RYR2: variants seen among roughly 807,000 people sequenced by gnomAD.
The protein encoded by RYR2 is cardiac muscle ryanodine receptor-calcium release channel.
In RYR2, 227 loss-of-function variants were observed where a neutral mutation model predicts 601.1. That is an observed-to-expected ratio of 0.38 (90% CI 0.34 to 0.42). RYR2 has a LOEUF of 0.42. Among genes scored for constraint, RYR2 ranks in the 10% least tolerant of loss-of-function variants. RYR2 has a pLI of 1.00. For synonymous variants in RYR2, 2,223 were observed against 2,175.1 expected, an observed-to-expected ratio of 1.02 and a Z score of -0.61; for missense variants, 4,646 against 6,156.5, an observed-to-expected ratio of 0.75 and a Z score of 8.21.
intron 2 of RYR2, among the ~76,000 whole-genome samples, chr1:237,282,237 T>A (rs1467161094): frequency 6.6e-6 from 1 of 151,820 alleles, no homozygotes; most frequent in Non-Finnish European, 1.5e-5. Flanking sequence ...TTTAGTTTTG[T>A]GGGTCAGATG....
At chr1:237,643,551 ATTATGTGT>A (rs1681797870) in intron 48 of RYR2, 104 bp downstream of exon 48, 1 of 1,244,174 alleles carries the variant, frequency 8.0e-7, no homozygotes, top group Admixed American at 1.8e-5. Flanking sequence ...CACTTCCTAA[ATTATGTGT>A]ATACTACTTA....
chr1:237,787,597 C>CAAAAAAAAAAAAAA (rs778668137), intron 91 of RYR2, among the ~76,000 whole-genome samples: 1 of 60,394 alleles, frequency 1.7e-5, no homozygotes, highest in Non-Finnish European at 3.8e-5. Flanking sequence ...GTCTCAAAAA[C>CAAAAAAAAAAAAAA]AAAAAAAAAA....
At chr1:237,111,502 C>T (rs972073193) in intron 1 of RYR2, among the ~76,000 whole-genome samples, 4 of 149,936 alleles carry the variant, frequency 2.7e-5, no homozygotes, top group Admixed American at 6.7e-5. Context: ...GGAGGAGAAT[C>T]GCTTGAACCT....
chr1:237,055,492 G>A lies in RYR2; in HGVS notation c.48+12923G>A, dbSNP rs927386996. Among the ~76,000 whole-genome samples, 39 of 152,216 alleles carry A rather than the reference G, an allele frequency of 2.6e-4. 1 individual carries two copies. Among genetic ancestry groups the A allele is most frequent in the Middle Eastern group, 6.8e-3 (2 of 294 alleles). ...AGATAATTCGGGCCTAAATTTGGGT[G>A]GTAGTTGTGGGAATAGAAAGGAGCG... On this transcript the variant is annotated intron_variant, in intron 1 of 104. Transcript: ENST00000366574.
intron 29 of RYR2, among the ~76,000 whole-genome samples, chr1:237,580,549 G>A (rs1270983356): frequency 1.3e-5 from 2 of 152,044 alleles, no homozygotes; most frequent in Non-Finnish European, 2.9e-5. Flanking sequence ...TTCTTCTAAT[G>A]AGGGATGATT....
chr1:237,647,715 G>A (rs887628585), intron 48 of RYR2, among the ~76,000 whole-genome samples: 8 of 152,178 alleles, frequency 5.3e-5, no homozygotes, highest in Admixed American at 1.3e-4. Context: ...TGTGTGGTCA[G>A]CACCAGTTTG....
At chr1:237,722,909 T>G (rs1689869331) in intron 73 of RYR2, among the ~76,000 whole-genome samples, 1 of 152,092 alleles carries the variant, frequency 6.6e-6, no homozygotes. Context: ...TCAGCAAATT[T>G]CCAGTATGAA....
Position 237,406,604 on chromosome 1 carries a change from G to GA in RYR2, c.774-10439dup, listed in dbSNP as rs969230685. On this transcript the variant is annotated intron_variant, in intron 10 of 104. Coordinates refer to ENST00000366574, the MANE Select transcript of RYR2 (RefSeq NM_001035.3). ...CTGGTGTTATTTTGTATATTCTGGAGAAAAAATGCCCTAAAAACTACCTCC... is the reference window on the plus strand; with the variant it reads ...CTGGTGTTATTTTGTATATTCTGGAGAAAAAAATGCCCTAAAAACTACCTCC... Among the ~76,000 whole-genome samples, 8 of 151,838 alleles carry GA rather than the reference G, an allele frequency of 5.3e-5. No individual in the cohort carries two copies. The East Asian group carries it at 5.8e-4, about 11-fold the overall frequency.
At chr1:237,805,407 C>T (rs911390912) in intron 98 of RYR2, among the ~76,000 whole-genome samples, 7 of 151,712 alleles carry the variant, frequency 4.6e-5, no homozygotes, top group African/African-American at 1.7e-4. Context: ...AGTGAAACCC[C>T]GTCTCTACTA....
intron 1 of RYR2, among the ~76,000 whole-genome samples, chr1:237,262,159 T>C (rs143175191): frequency 2.8e-4 from 43 of 151,826 alleles, no homozygotes; most frequent in African/African-American, 9.4e-4. Context: ...AGAAATCATG[T>C]CTTATTTACT....
chr1:237,483,057 C>T (rs16835305), intron 17 of RYR2, among the ~76,000 whole-genome samples: 5,986 of 152,204 alleles, frequency 0.039, 186 homozygotes, highest in African/African-American at 0.079. Context: ...CTGTGTCTCT[C>T]GCCAAGGTCT....
At position 237,186,402 on chromosome 1, in the gene RYR2, G is replaced by A. The variant is rs113656977; in HGVS notation, c.49-84095G>A. 5.5e-3 allele frequency among the ~76,000 whole-genome samples: 835 copies of A among 152,220 alleles called. 8 individuals carry two copies. The highest frequency in any genetic ancestry group is 0.019 in the African/African-American group (782 of 41,548). Reference sequence around the variant, plus strand: ...GCCTTAGTACAATAATGAGAAATCCGCATTCCACTGTCAGTCTAATGCAGG... The same window carrying A: ...GCCTTAGTACAATAATGAGAAATCCACATTCCACTGTCAGTCTAATGCAGG... On this transcript the variant is annotated intron_variant, in intron 1 of 104. Coordinates refer to ENST00000366574, the MANE Select transcript of RYR2 (RefSeq NM_001035.3).
chr1:237,612,666 G>A (rs930894675), intron 36 of RYR2, among the ~76,000 whole-genome samples: 10 of 151,788 alleles, frequency 6.6e-5, no homozygotes, highest in South Asian at 4.1e-4. Flanking sequence ...AGAAAATACC[G>A]AACAACCAAA....
Position 237,454,513 on chromosome 1 carries a change from A to G in RYR2, c.1415A>G (p.His472Arg). Reference protein sequence around the residue: ...YFHPPDEHLEHEDKQNRLRAL... With the variant: ...YFHPPDEHLEREDKQNRLRAL... ...CACCCCCCAGATGAGCATTTAGAGC[A>G]TGAAGACAAACAGAACAGACTACGA... Residue 472 changes from histidine (H) to arginine (R), a missense_variant, in exon 15 of 105, where the codon CAT becomes CGT. Around this residue, in one of 17 missense-constraint regions of RYR2, gnomAD observed 1,807 missense variants for 2,088.1 expected, o/e 0.87. Coordinates refer to ENST00000366574, the MANE Select transcript of RYR2 (RefSeq NM_001035.3). 1 of 1,613,580 alleles carries G rather than the reference A, an allele frequency of 6.2e-7. No individual in the cohort carries two copies. Among genetic ancestry groups the G allele is most frequent in the Non-Finnish European group, 8.5e-7 (1 of 1,179,660 alleles).
rs1690789610 is a variant in RYR2 at position 237,732,621 on chromosome 1, GC to G, written c.11039+473del. Among the ~76,000 whole-genome samples, 7 of 152,086 alleles carry G rather than the reference GC, an allele frequency of 4.6e-5. No homozygotes were observed. The South Asian group carries it at 1.4e-3, about 31-fold the overall frequency. ...GGTATCTCTGAGATCTATTTCAAGG[GC>G]ATTGCCCATTTTTCTTGTCTTCTGC... is the stretch of plus-strand genomic sequence containing the variant. On this transcript the variant is annotated intron_variant, in intron 78 of 104. Coordinates refer to ENST00000366574, the MANE Select transcript of RYR2 (RefSeq NM_001035.3).
intron 1 of RYR2, among the ~76,000 whole-genome samples, chr1:237,189,879 A>AT (rs61306892): frequency 1.6e-3 from 175 of 107,784 alleles, no homozygotes; most frequent in Middle Eastern, 4.2e-3. Flanking sequence ...TTTTATTTTT[A>AT]TTTTTTTTTT....
At chr1:237,783,177 A>G (rs16835809) in intron 89 of RYR2, among the ~76,000 whole-genome samples, 10,590 of 151,782 alleles carry the variant, frequency 0.07, 567 homozygotes, top group African/African-American at 0.15. Context: ...CTAACCTTTA[A>G]TAATTAAGTC....
intron 1 of RYR2, among the ~76,000 whole-genome samples, chr1:237,081,436 A>T (rs942822114): frequency 2.0e-5 from 3 of 151,964 alleles, no homozygotes; most frequent in African/African-American, 7.3e-5. Flanking sequence ...GCCAGGTTCT[A>T]AAGGGACAAC....
chr1:237,595,361 C>A, intron 33 of RYR2, 137 bp from the exon 34 acceptor site: 1 of 907,632 alleles, frequency 1.1e-6, no homozygotes, highest in Non-Finnish European at 1.6e-6. Flanking sequence ...ATCACAGAAT[C>A]GGGCCTATTG....
Sources: allele counts gnomAD v4.1 joint callset (sites outside exome capture counted in the v4.1 genomes callset), GRCh38; gene constraint gnomAD v4.1.1; regional missense constraint gnomAD v4.1.1; transcripts MANE v1.5; gene names NCBI Gene and HGNC (gene_info 2026-07-23, HGNC 2026-07-21).